Variants in TBC1D1 observed in about 807,000 individuals in gnomAD.
The protein encoded by TBC1D1 is TBC1 (tre-2/USP6, BUB2, cdc16) domain family, member 1.
Under a neutral mutation model 125.6 loss-of-function variants are expected in TBC1D1, and 89 were observed. That is an observed-to-expected ratio of 0.71 (90% CI 0.60 to 0.85). The LOEUF (loss-of-function observed/expected upper bound fraction) is 0.85. Among genes scored for constraint, TBC1D1 ranks in the 40% least tolerant of loss-of-function variants. The pLI is 0.00. For synonymous variants in TBC1D1, 565 were observed against 564.1 expected (o/e 1.00, Z -0.02); for missense variants, 1,377 against 1,469.2 (o/e 0.94, Z 1.03).
At chr4:38,121,084 C>T (rs1334884567) in intron 17 of TBC1D1, among the ~76,000 whole-genome samples, 5 of 152,170 alleles carry the variant, frequency 3.3e-5, no homozygotes, top group Non-Finnish European at 7.4e-5. Context: ...TCCAGCTATT[C>T]AGGTGACATG....
At chr4:37,988,173 A>C (rs375726464) in intron 2 of TBC1D1, among the ~76,000 whole-genome samples, 1 of 152,208 alleles carries the variant, frequency 6.6e-6, no homozygotes. Flanking sequence ...AGGGTGTAGC[A>C]CGTGTTTCCA....
At chr4:38,025,275 G>T (rs1560641687) in intron 6 of TBC1D1, among the ~76,000 whole-genome samples, 1 of 152,192 alleles carries the variant, frequency 6.6e-6, no homozygotes, top group Admixed American at 6.5e-5. Context: ...TTCTGCTTCG[G>T]TCCTGGCTTC....
chr4:38,068,985 A>T (rs2052693), intron 12 of TBC1D1, among the ~76,000 whole-genome samples: 56,679 of 152,120 alleles, frequency 0.37, 11,698 homozygotes, highest in East Asian at 0.62. Context: ...GGCAGTCAAG[A>T]TTTTCTACAA....
intron 2 of TBC1D1, among the ~76,000 whole-genome samples, chr4:37,909,447 A>G (rs1718072480): frequency 1.3e-5 from 2 of 152,166 alleles, no homozygotes; most frequent in African/African-American, 4.8e-5. Context: ...TGGCCACTTA[A>G]TATATGCACC....
At chr4:37,904,741 C>T (rs1222838211) in intron 2 of TBC1D1, among the ~76,000 whole-genome samples, 1 of 152,210 alleles carries the variant, frequency 6.6e-6, no homozygotes, top group African/African-American at 2.4e-5. Flanking sequence ...ATTGTCATTA[C>T]TCTGCTCATT....
At chr4:38,125,771 G>A (rs1038495535) in intron 18 of TBC1D1, among the ~76,000 whole-genome samples, 40 of 152,188 alleles carry the variant, frequency 2.6e-4, no homozygotes, top group Admixed American at 2.6e-4. Context: ...GGGCATGGGA[G>A]CAGATTTTGA....
chr4:38,111,173 C>T (rs984789940), intron 15 of TBC1D1, among the ~76,000 whole-genome samples: 3 of 152,214 alleles, frequency 2.0e-5, no homozygotes, highest in Admixed American at 6.5e-5. Flanking sequence ...CTGGATTATA[C>T]GAATGTGGAT....
intron 2 of TBC1D1, among the ~76,000 whole-genome samples, chr4:38,013,685 A>G (rs966232048): frequency 6.6e-6 from 1 of 152,218 alleles, no homozygotes; most frequent in Non-Finnish European, 1.5e-5. Flanking sequence ...GAACCTTCTC[A>G]GAGGTTAATG....
At chr4:37,917,051 G>A (rs1033445572) in intron 2 of TBC1D1, among the ~76,000 whole-genome samples, 4 of 151,822 alleles carry the variant, frequency 2.6e-5, no homozygotes, top group East Asian at 2.0e-4. Context: ...GATTACAGGC[G>A]TGAGGCACCA....
chr4:38,090,226 A>G (rs1758203104), intron 13 of TBC1D1, 109 bp downstream of exon 15: 1 of 1,001,852 alleles, frequency 1.0e-6, no homozygotes, highest in Non-Finnish European at 1.5e-6. Context: ...ACGATAGTCT[A>G]ATGTATACAT....
At chr4:38,124,704 T>G (rs78408376) in intron 17 of TBC1D1, among the ~76,000 whole-genome samples, 3,624 of 152,326 alleles carry the variant, frequency 0.024, 147 homozygotes, top group African/African-American at 0.083. Context: ...CTTTTTCCCT[T>G]TCCCAGTTTA....
At chr4:37,904,850 G>T (rs960945865) in intron 2 of TBC1D1, among the ~76,000 whole-genome samples, 4 of 152,316 alleles carry the variant, frequency 2.6e-5, no homozygotes, top group South Asian at 4.1e-4. Context: ...TGCTAACAGC[G>T]TGATAGATTT....
chr4:38,027,524 G>A (rs1003777562), intron 6 of TBC1D1, among the ~76,000 whole-genome samples: 3 of 152,174 alleles, frequency 2.0e-5, no homozygotes, highest in Admixed American at 1.3e-4. Flanking sequence ...AGGTACTGGG[G>A]AGGCTGAAGT....
chr4:38,074,370 C>T (rs981498895), intron 12 of TBC1D1, among the ~76,000 whole-genome samples: 3 of 152,186 alleles, frequency 2.0e-5, no homozygotes, highest in Non-Finnish European at 4.4e-5. Context: ...GCAGTTTTCA[C>T]GATGTCCCAG....
At chr4:37,971,714 G>C (rs1005496050) in intron 2 of TBC1D1, among the ~76,000 whole-genome samples, 1 of 152,182 alleles carries the variant, frequency 6.6e-6, no homozygotes, top group African/African-American at 2.4e-5. Flanking sequence ...ATCTAAAACT[G>C]TAAGAGTGGT....
chr4:38,101,289 A>C (rs1578710270), intron 14 of TBC1D1, among the ~76,000 whole-genome samples: 1 of 152,310 alleles, frequency 6.6e-6, no homozygotes, highest in South Asian at 2.1e-4. Flanking sequence ...GGAAAGAAAG[A>C]TCAATGCCTA....
At chr4:38,042,773 A>G (rs1748643046) in intron 8 of TBC1D1, among the ~76,000 whole-genome samples, 1 of 152,188 alleles carries the variant, frequency 6.6e-6, no homozygotes, top group Non-Finnish European at 1.5e-5. Flanking sequence ...CCCCTGGCAA[A>G]TGCTCACTTG....
chr4:37,941,058 T>A (rs971483012), intron 2 of TBC1D1, among the ~76,000 whole-genome samples: 1 of 152,222 alleles, frequency 6.6e-6, no homozygotes, highest in African/African-American at 2.4e-5. Context: ...TAGGGAGGAT[T>A]CCCTCTTTTC....
intron 2 of TBC1D1, among the ~76,000 whole-genome samples, chr4:37,991,697 C>T (rs1337557420): frequency 2.6e-5 from 4 of 151,644 alleles, no homozygotes; most frequent in East Asian, 1.9e-4. Flanking sequence ...TTACACTGGA[C>T]GATTTTATCC....
Sources: gnomAD v4.1 joint callset for allele counts (sites outside exome capture counted in the v4.1 genomes callset) on GRCh38, gnomAD v4.1.1 for gene constraint, MANE v1.5 for transcripts, NCBI Gene and HGNC (gene_info 2026-07-23, HGNC 2026-07-21) for gene names.